The following HPSE2 variants were observed in gnomAD, a reference collection of about 807,000 sequenced individuals.
HPSE2 encodes the protein inactive heparanase-2.
In HPSE2, 38 loss-of-function variants were observed where a neutral mutation model predicts 60.5. That is an observed-to-expected ratio of 0.63 (90% confidence interval 0.48 to 0.82). HPSE2 has a LOEUF of 0.82. HPSE2 is among the 40% of genes least tolerant of loss of function. HPSE2 has a pLI of 0.00. For synonymous variants in HPSE2, 295 were observed against 293.2 expected (o/e 1.01, Z -0.06); for missense variants, 713 against 740.4 (o/e 0.96, Z 0.43).
intron 3 of HPSE2, among the ~76,000 whole-genome samples, chr10:98,840,949 A>T (rs1951897331): frequency 6.6e-6 from 1 of 152,216 alleles, no homozygotes; most frequent in Admixed American, 6.5e-5. Flanking sequence ...TTAACTAATT[A>T]ACACTTATGA....
At chr10:98,683,220 C>G (rs1026999835) in intron 6 of HPSE2, among the ~76,000 whole-genome samples, 6 of 152,006 alleles carry the variant, frequency 3.9e-5, no homozygotes, top group African/African-American at 1.4e-4. Context: ...CTTTTTATGT[C>G]TCTCTCCTAA....
intron 3 of HPSE2, among the ~76,000 whole-genome samples, chr10:98,876,679 C>T (rs1952885780): frequency 1.3e-5 from 2 of 151,812 alleles, no homozygotes; most frequent in East Asian, 1.9e-4. Flanking sequence ...GCCAACTGTA[C>T]ATTAATATTC....
At chr10:98,653,347 G>T (rs1946968981) in intron 6 of HPSE2, among the ~76,000 whole-genome samples, 1 of 151,322 alleles carries the variant, frequency 6.6e-6, no homozygotes, top group Non-Finnish European at 1.5e-5. Context: ...TTCACATTTA[G>T]AATGATGATT....
intron 9 of HPSE2, among the ~76,000 whole-genome samples, chr10:98,564,529 C>G (rs1320812116): frequency 6.6e-6 from 1 of 152,176 alleles, no homozygotes; most frequent in East Asian, 1.9e-4. Context: ...TGTATACAAT[C>G]TGAAGCAGAA....
chr10:99,088,330 C>A (rs183608577), intron 3 of HPSE2, among the ~76,000 whole-genome samples: 1 of 152,196 alleles, frequency 6.6e-6, no homozygotes, highest in African/African-American at 2.4e-5. Context: ...TACATTGTAG[C>A]CAATGTGTAG....
chr10:98,834,353 T>C (rs530138863), intron 3 of HPSE2, among the ~76,000 whole-genome samples: 1 of 152,252 alleles, frequency 6.6e-6, no homozygotes, highest in Non-Finnish European at 1.5e-5. Context: ...CAATTCATTA[T>C]CTTGAAAATA....
At chr10:99,115,558 G>T (rs574185935) in intron 3 of HPSE2, among the ~76,000 whole-genome samples, 46 of 152,056 alleles carry the variant, frequency 3.0e-4, no homozygotes, top group Non-Finnish European at 1.5e-5. Flanking sequence ...GCCTCCCAAA[G>T]AATCTGGATT....
chr10:98,921,063 C>A (rs1209700686), intron 3 of HPSE2, among the ~76,000 whole-genome samples: 1 of 152,176 alleles, frequency 6.6e-6, no homozygotes, highest in Non-Finnish European at 1.5e-5. Context: ...AATCCTGGTT[C>A]TACTAGGTGC....
At chr10:98,669,283 T>C (rs529195445) in intron 6 of HPSE2, among the ~76,000 whole-genome samples, 6 of 152,366 alleles carry the variant, frequency 3.9e-5, no homozygotes, top group African/African-American at 1.2e-4. Context: ...ATACTGTTTG[T>C]GGGAACGCAA....
chr10:98,810,892 G>GT (rs1182241652), intron 3 of HPSE2, among the ~76,000 whole-genome samples: 2 of 152,080 alleles, frequency 1.3e-5, no homozygotes, highest in African/African-American at 4.8e-5. Flanking sequence ...GTTTGGACAA[G>GT]TTTTTTTAGA....
chr10:99,008,452 C>A (rs1261088023), intron 3 of HPSE2, among the ~76,000 whole-genome samples: 1 of 152,138 alleles, frequency 6.6e-6, no homozygotes, highest in Non-Finnish European at 1.5e-5. Context: ...AAACAGAAGT[C>A]AATTAGCTTG....
At chr10:98,828,949 C>T (rs1359150056) in intron 3 of HPSE2, among the ~76,000 whole-genome samples, 1 of 150,558 alleles carries the variant, frequency 6.6e-6, no homozygotes, top group African/African-American at 2.5e-5. Flanking sequence ...GTAGAAGAAA[C>T]CCAAGTGTCA....
chr10:99,210,379 C>T lies in HPSE2; in HGVS notation c.448+21969G>A, dbSNP rs543300820. Reference sequence around the variant, plus strand: ...AATACCAATCCTTCTCAAATGCTTCCAAAAAATTGAAGAAGAGGGAATACT... The same window carrying T: ...AATACCAATCCTTCTCAAATGCTTCTAAAAAATTGAAGAAGAGGGAATACT... On this transcript the variant is annotated intron_variant, in intron 2 of 11. Coordinates refer to ENST00000370552, the MANE Select transcript of HPSE2 (RefSeq NM_021828.5). Among the ~76,000 whole-genome samples the T allele has an allele frequency of 3.9e-4, 60 of 152,206 alleles. 1 individual carries two copies. Among genetic ancestry groups the T allele is most frequent in the Middle Eastern group, 3.4e-3 (1 of 294 alleles).
intron 6 of HPSE2, among the ~76,000 whole-genome samples, chr10:98,663,951 T>C (rs1947291685): frequency 1.3e-5 from 2 of 152,090 alleles, no homozygotes; most frequent in African/African-American, 4.8e-5. Flanking sequence ...ACACTGTGGG[T>C]AGGCTCAGCT....
At chr10:98,760,528 A>G (rs1589779814) in intron 3 of HPSE2, among the ~76,000 whole-genome samples, 2 of 152,076 alleles carry the variant, frequency 1.3e-5, no homozygotes, top group African/African-American at 4.8e-5. Flanking sequence ...ATTTTATCCA[A>G]TAATTTTTCT....
chr10:98,934,655 G>A (rs1317419162), intron 3 of HPSE2, among the ~76,000 whole-genome samples: 1 of 144,134 alleles, frequency 6.9e-6, no homozygotes, highest in African/African-American at 2.8e-5. Flanking sequence ...CACTGTTAGT[G>A]TCATGGGCTT....
At chr10:98,770,980 G>A (rs1950228882) in intron 3 of HPSE2, among the ~76,000 whole-genome samples, 1 of 152,218 alleles carries the variant, frequency 6.6e-6, no homozygotes, top group East Asian at 1.9e-4. Flanking sequence ...CAGGTAGAGG[G>A]ATGCAGCTGC....
At chr10:98,620,477 T>C in intron 8 of HPSE2, 125 bp downstream of exon 8, 1 of 727,732 alleles carries the variant, frequency 1.4e-6, no homozygotes, top group East Asian at 2.7e-5. Flanking sequence ...CATGAATGAA[T>C]GAAATGAACT....
At chr10:98,747,462 C>T (rs76199294) in intron 3 of HPSE2, among the ~76,000 whole-genome samples, 1 of 152,148 alleles carries the variant, frequency 6.6e-6, no homozygotes, top group South Asian at 2.1e-4. Context: ...CATATCAAAC[C>T]TTTGATTTCA....
Sources: allele counts gnomAD v4.1 joint callset (sites outside exome capture counted in the v4.1 genomes callset), GRCh38; gene constraint gnomAD v4.1.1; transcripts MANE v1.5; gene names NCBI Gene and HGNC (gene_info 2026-07-23, HGNC 2026-07-21).